Variants in OTULIN observed in about 807,000 individuals in gnomAD.
The protein encoded by OTULIN is OTU deubiquitinase with linear linkage specificity, also known as ubiquitin thioesterase otulin.
In OTULIN, 15 loss-of-function variants were observed where a neutral mutation model predicts 39.6. The observed-to-expected ratio is 0.38, with a 90% CI of 0.25 to 0.58. The LOEUF (loss-of-function observed/expected upper bound fraction) is 0.58. OTULIN is among the 20% of genes least tolerant of loss of function. The pLI is 0.66. For synonymous variants in OTULIN, 156 were observed against 170.3 expected (o/e 0.92, Z 0.65); for missense variants, 319 against 445.9 (o/e 0.72, Z 2.56).
At chr5:14,667,564 A>G (rs1177751061) in intron 1 of OTULIN, among the ~76,000 whole-genome samples, 1 of 152,192 alleles carries the variant, frequency 6.6e-6, no homozygotes, top group African/African-American at 2.4e-5. Context: ...TTGTAGAGAC[A>G]GAGTCTCACT....
chr5:14,685,920 T>A (rs552914291), intron 4 of OTULIN, among the ~76,000 whole-genome samples: 20 of 152,354 alleles, frequency 1.3e-4, no homozygotes, highest in African/African-American at 4.1e-4. Context: ...TTGAAGGTTT[T>A]GCTGCAGAAC....
chr5:14,669,352 C>T lies in OTULIN; in HGVS notation c.153-4290C>T, dbSNP rs952497236. Among the ~76,000 whole-genome samples, 14 of 149,612 alleles carry T rather than the reference C, an allele frequency of 9.4e-5. No homozygotes were observed. The East Asian group carries it at 2.1e-3, about 23-fold the overall frequency. On this transcript the variant is annotated intron_variant, in intron 1 of 6. Coordinates refer to ENST00000284274, the MANE Select transcript of OTULIN (RefSeq NM_138348.6). ...TGCACTCCAGCCTATGCAATAAGAG[C>T]GAAACTCCGTCTCAAAAAAAGAAAA...
At chr5:14,683,317 T>A (rs1736304095) in intron 4 of OTULIN, among the ~76,000 whole-genome samples, 2 of 152,190 alleles carry the variant, frequency 1.3e-5, no homozygotes, top group African/African-American at 4.8e-5. Context: ...CAAAGATGCA[T>A]GCCATCTTAA....
At chr5:14,669,085 C>T (rs562886880) in intron 1 of OTULIN, among the ~76,000 whole-genome samples, 17 of 152,108 alleles carry the variant, frequency 1.1e-4, no homozygotes, top group South Asian at 2.1e-4. Flanking sequence ...GTAAATAGGC[C>T]GGGCGCGGTG....
chr5:14,672,574 C>G (rs1282498768), intron 1 of OTULIN, among the ~76,000 whole-genome samples: 1 of 151,998 alleles, frequency 6.6e-6, no homozygotes, highest in African/African-American at 2.4e-5. Flanking sequence ...ATGGGGTATG[C>G]GCTCATGAGG....
the OTULIN span, among the ~76,000 whole-genome samples, chr5:14,712,484 GC>G: frequency 6.6e-6 from 1 of 152,240 alleles, no homozygotes; most frequent in Non-Finnish European, 1.5e-5. Context: ...GTCTTGGACT[GC>G]CCAGTCCTTG....
In OTULIN at chr5:14,687,668, G is replaced by T. The variant is rs202154517; in HGVS notation, c.594+22G>T. 3.8e-4 allele frequency: 605 copies of T among 1,592,006 alleles called. 4 individuals carry two copies. The highest frequency in any genetic ancestry group is 1.1e-4 in the Admixed American group (6 of 55,402). On this transcript the variant is annotated intron_variant, in intron 5 of 6. Coordinates refer to ENST00000284274, the MANE Select transcript of OTULIN (RefSeq NM_138348.6). ...GAAGGTTTGGAACCTGTAGTGTCCT[G>T]TCTGATAAGGGTGAAGCTCTCGTTC...
intron 1 of OTULIN, among the ~76,000 whole-genome samples, chr5:14,665,179 C>A (rs1056200059): frequency 6.6e-6 from 1 of 152,246 alleles, no homozygotes; most frequent in Non-Finnish European, 1.5e-5. Flanking sequence ...CCTCACAATT[C>A]TGGTCACACA....
At position 14,678,715 on chromosome 5, in the gene OTULIN, C is replaced by T; in HGVS notation, c.264C>T (p.Ile88=). The change falls in exon 3 of 7, where the codon ATC becomes ATT. Residue 88 remains isoleucine (I), a synonymous_variant. Transcript: ENST00000284274. ...TAAGCGTAGCTCCTGAAATGGATAT[C>T]ATGGACTACTGCAAAAAAGAATGGA... ...PRLSVAPEMD[I]MDYCKKEWRG... 1.9e-6 allele frequency: 3 copies of T among 1,602,736 alleles called. No homozygotes were observed. The highest frequency in any genetic ancestry group is 1.1e-5 in the South Asian group (1 of 88,038).
At chr5:14,714,092 G>A in the OTULIN span, among the ~76,000 whole-genome samples, 2 of 152,266 alleles carry the variant, frequency 1.3e-5, no homozygotes, top group African/African-American at 4.8e-5. Flanking sequence ...CATCTTCCCT[G>A]CCTGCGGTCA....
At chr5:14,714,495 T>G in the OTULIN span, among the ~76,000 whole-genome samples, 499 of 152,200 alleles carry the variant, frequency 3.3e-3, 3 homozygotes, top group African/African-American at 0.011. Context: ...AGGCAAGGGC[T>G]CTTGGAGGAG....
intron 1 of OTULIN, among the ~76,000 whole-genome samples, chr5:14,671,088 G>A (rs2126814381): frequency 6.6e-6 from 1 of 152,054 alleles, no homozygotes; most frequent in East Asian, 1.9e-4. Flanking sequence ...TTTGCATTTA[G>A]TTCTCCTGTT....
intron 3 of OTULIN, among the ~76,000 whole-genome samples, chr5:14,680,062 GAAGT>G (rs1340435118): frequency 6.6e-6 from 1 of 152,182 alleles, no homozygotes; most frequent in Admixed American, 6.5e-5. Flanking sequence ...TATTCTTTTG[GAAGT>G]AAGTTTCTAC....
Position 14,696,145 on chromosome 5 carries a change from C to T in OTULIN, c.*3097C>T, listed in dbSNP as rs866642906. On this transcript the variant is annotated 3_prime_UTR_variant, in exon 7 of 7. Coordinates refer to ENST00000284274, the MANE Select transcript of OTULIN (RefSeq NM_138348.6). ...ATTCATCCTGTGTCCTCCCTCTTCC[C>T]GATGTGCTGTTTTACCTAGGAGTTA... The T allele has an allele frequency of 2.6e-5, 4 of 152,196 alleles. No individual in the cohort carries two copies. The highest frequency in any genetic ancestry group is 4.8e-5 in the African/African-American group (2 of 41,524). 9.4% of individuals were successfully genotyped at this position (152,196 alleles called of 1,614,324 possible). A position where few individuals can be genotyped will look rare whatever the true frequency, so the allele number is the denominator to read the frequency against.
chr5:14,710,326 G>C, the OTULIN span: 3 of 152,214 alleles, frequency 2.0e-5, no homozygotes, highest in Non-Finnish European at 2.9e-5. Context: ...GCTCTAATGC[G>C]ACCTTCAGGA....
chr5:14,685,199 T>A (rs1160752631), intron 4 of OTULIN, among the ~76,000 whole-genome samples: 1 of 152,086 alleles, frequency 6.6e-6, no homozygotes, highest in Non-Finnish European at 1.5e-5. Flanking sequence ...TGTATCAAAA[T>A]TTTTTTGTAA....
At chr5:14,665,969 A>G (rs1007539403) in intron 1 of OTULIN, among the ~76,000 whole-genome samples, 2 of 152,250 alleles carry the variant, frequency 1.3e-5, no homozygotes, top group Admixed American at 6.5e-5. Context: ...ACCTTTTAGC[A>G]TGAGATTGGA....
chr5:14,709,588 CTGCCTTTTTCTTTCTCATTTT>C, the OTULIN span: 2 of 152,234 alleles, frequency 1.3e-5, no homozygotes, highest in African/African-American at 4.8e-5. Flanking sequence ...CACAAAGGGC[CTGCCTTTTTCTTTCTCATTTT>C]TGCCTTTCCA....
the OTULIN span, chr5:14,709,185 T>G: frequency 2.6e-5 from 4 of 152,248 alleles, no homozygotes; most frequent in African/African-American, 9.6e-5. Context: ...TGAGCCACCA[T>G]GCCCGGCCTG....
Sources: allele counts gnomAD v4.1 joint callset (sites outside exome capture counted in the v4.1 genomes callset), GRCh38; gene constraint gnomAD v4.1.1; transcripts MANE v1.5; gene names NCBI Gene and HGNC (gene_info 2026-07-23, HGNC 2026-07-21).